ZNF844: variants seen among roughly 807,000 people sequenced by gnomAD.
The protein encoded by ZNF844 is zinc finger protein 844.
In ZNF844, 11 loss-of-function variants were observed where a neutral mutation model predicts 11.4. The ratio of observed to expected loss-of-function variants is 0.97; its 90% confidence interval spans 0.61 to 1.60. The LOEUF is 1.60. ZNF844 is among the 40% of genes most tolerant of loss of function. The pLI is 0.00. For missense variants in ZNF844, 790 were observed against 796.8 expected, an observed-to-expected ratio of 0.99 and a Z score of 0.10; for synonymous variants, 248 against 260.3, an observed-to-expected ratio of 0.95 and a Z score of 0.46.
chr19:12,067,585 C>T (rs1306704439), intron 1 of ZNF844, among the ~76,000 whole-genome samples: 1 of 106,428 alleles, frequency 9.4e-6, no homozygotes, highest in Non-Finnish European at 1.8e-5. Flanking sequence ...ATAGCTTGGG[C>T]AACAAGAGTG....
At position 12,077,294 on chromosome 19, in the gene ZNF844, C is replaced by T; in HGVS notation, c.*173C>T. ...AAAGGACTCACACTGGAGAGAAACC[C>T]TATGAGTGTAAGCAATGTGGAAAAG... is the stretch of plus-strand genomic sequence containing the variant. On this transcript the variant is annotated 3_prime_UTR_variant, in exon 4 of 4. Coordinates refer to ENST00000439326, the MANE Select transcript of ZNF844 (RefSeq NM_001136501.3). 8.3e-7 allele frequency: 1 copy of T among 1,200,764 alleles called. No homozygotes were observed. Among genetic ancestry groups the T allele is most frequent in the East Asian group, 2.3e-5 (1 of 42,822 alleles). The allele number at this position is 1,200,764 out of a possible 1,614,324, so 74.4% of individuals were successfully genotyped here.
chr19:12,075,660 C>T lies in ZNF844; in HGVS notation c.540C>T (p.Ser180=). 1 of 1,611,828 alleles carries T rather than the reference C, an allele frequency of 6.2e-7. No individual in the cohort carries two copies. ...AAGAATGTGGAAAAACCTTCATATCCCATTCAAGCATTCAAAGACACATGA... is the reference window on the plus strand; with the variant it reads ...AAGAATGTGGAAAAACCTTCATATCTCATTCAAGCATTCAAAGACACATGA... ...DCKECGKTFI[S]HSSIQRHMIM... The change falls in exon 4 of 4, where the codon TCC becomes TCT. Residue 180 remains serine (S), a synonymous_variant. Transcript: ENST00000439326.
rs1254312000 is a variant in ZNF844, at chr19:12,076,527, C to G, written c.1407C>G (p.Leu469=). ...ACACCTTCAAATGCATGGAAGGACTCACACTCAAGAGAAACCCTATGAATG... is the reference window on the plus strand; with the variant it reads ...ACACCTTCAAATGCATGGAAGGACTGACACTCAAGAGAAACCCTATGAATG... ...LPHTFKCMEG[L]TLKRNPMNVS... The change falls in exon 4 of 4, where the codon CTC becomes CTG. Residue 469 remains leucine (L), a synonymous_variant. Coordinates refer to ENST00000439326, the MANE Select transcript of ZNF844 (RefSeq NM_001136501.3). 11 of 1,609,606 alleles carry G rather than the reference C, an allele frequency of 6.8e-6. No homozygotes were observed. Among genetic ancestry groups the G allele is most frequent in the Non-Finnish European group, 9.3e-6 (11 of 1,178,166 alleles).
chr19:12,080,121 G>A lies in ZNF844; in HGVS notation c.*3000G>A, dbSNP rs757681728. On this transcript the variant is annotated 3_prime_UTR_variant, in exon 4 of 4. Transcript: ENST00000439326. ...CCCAGCACTTTGGGAGGCTGAGGTG[G>A]GCGGATCACGAGGTCAGGAGATCAA... 113 of 165,366 alleles carry A rather than the reference G, an allele frequency of 6.8e-4. No homozygotes were observed. Among genetic ancestry groups the A allele is most frequent in the Non-Finnish European group, 1.3e-3 (98 of 76,554 alleles). The allele number at this position is 165,366 out of a possible 1,614,324, so 10.2% of individuals were successfully genotyped here. A position where few individuals can be genotyped will look rare whatever the true frequency, so the allele number is the denominator to read the frequency against.
intron 1 of ZNF844, among the ~76,000 whole-genome samples, chr19:12,072,151 G>A (rs148691328): frequency 1.3e-5 from 2 of 152,258 alleles, no homozygotes; most frequent in African/African-American, 4.8e-5. Flanking sequence ...CTCCCAAAGT[G>A]CTGGGATTAC....
chr19:12,075,214 T>G, intron 3 of ZNF844, 98 bp from the exon 4 acceptor site: 1 of 873,002 alleles, frequency 1.1e-6, no homozygotes, highest in African/African-American at 1.8e-5. Flanking sequence ...AATAATAAAA[T>G]AAAATAAAAT....
intron 1 of ZNF844, among the ~76,000 whole-genome samples, 163 bp downstream of exon 1, chr19:12,065,039 G>A (rs1203756196): frequency 6.6e-6 from 1 of 151,818 alleles, no homozygotes; most frequent in Non-Finnish European, 1.5e-5. Context: ...CGGTCCATTC[G>A]GCCGCCGGGT....
chr19:12,064,934 G>T lies in ZNF844; in HGVS notation c.3+58G>T, dbSNP rs528175076. The T allele has an allele frequency of 1.5e-5, 23 of 1,543,214 alleles. No individual in the cohort carries two copies. The African/African-American group carries it at 3.0e-4, about 20-fold the overall frequency. ...CTTGGGGGAGGGTAGGCGGAGGCTGGTTGGAACTGGCTGGAACCGGCTGTG... is the reference window on the plus strand; with the variant it reads ...CTTGGGGGAGGGTAGGCGGAGGCTGTTTGGAACTGGCTGGAACCGGCTGTG... On this transcript the variant is annotated intron_variant, in intron 1 of 3. Transcript: ENST00000439326.
In ZNF844 at chr19:12,080,926, T is replaced by C. The variant is rs1975890723; in HGVS notation, c.*3805T>C. 6.6e-6 allele frequency: 1 copy of C among 152,168 alleles called. No individual in the cohort carries two copies. The highest frequency in any genetic ancestry group is 6.6e-5 in the Admixed American group (1 of 15,264). 9.4% of individuals were successfully genotyped at this position (152,168 alleles called of 1,614,324 possible). A position where few individuals can be genotyped will look rare whatever the true frequency, so the allele number is the denominator to read the frequency against. ...ACACCACCACGCATGGCTAAATTTT[T>C]GTATTTTTAGTAGAGATGGGGTTTC... On this transcript the variant is annotated 3_prime_UTR_variant, in exon 4 of 4. Coordinates refer to ENST00000439326, the MANE Select transcript of ZNF844 (RefSeq NM_001136501.3).
chr19:12,072,517 A>C (rs1038602466), intron 1 of ZNF844, among the ~76,000 whole-genome samples: 9 of 152,200 alleles, frequency 5.9e-5, no homozygotes, highest in African/African-American at 1.9e-4. Flanking sequence ...TGGTCAGAGC[A>C]CATGGGTTCC....
chr19:12,073,602 A>G (rs1975775432), intron 1 of ZNF844, among the ~76,000 whole-genome samples: 1 of 152,014 alleles, frequency 6.6e-6, no homozygotes, highest in Non-Finnish European at 1.5e-5. Flanking sequence ...TCAGAATAAA[A>G]TCCCCCTTCC....
rs1319893294 is a variant in ZNF844 at position 12,079,806 on chromosome 19, C to CATG, written c.*2686_*2688dup. 6.6e-6 allele frequency: 1 copy of CATG among 152,198 alleles called. No individual in the cohort carries two copies. The allele number at this position is 152,198 out of a possible 1,614,324, so 9.4% of individuals were successfully genotyped here. A position where few individuals can be genotyped will look rare whatever the true frequency, so the allele number is the denominator to read the frequency against. Reference sequence around the variant, plus strand: ...CTAAAAATACAAAAAATTAGATGGGCATGGTGGCACATGCCTGTAATCCCA... The same window carrying CATG: ...CTAAAAATACAAAAAATTAGATGGGCATGATGGTGGCACATGCCTGTAATCCCA... On this transcript the variant is annotated 3_prime_UTR_variant, in exon 4 of 4. Coordinates refer to ENST00000439326, the MANE Select transcript of ZNF844 (RefSeq NM_001136501.3).
rs755892210 is a variant in ZNF844 at position 12,072,367 on chromosome 19, G to T, written c.4-1664G>T. Among the ~76,000 whole-genome samples the T allele has an allele frequency of 1.8e-4, 27 of 152,154 alleles. No individual in the cohort carries two copies. The Middle Eastern group carries it at 0.017, about 96-fold the overall frequency. On this transcript the variant is annotated intron_variant, in intron 1 of 3. Transcript: ENST00000439326. ...AGTGGTTTTCAAATATTTCTTCAAAGATCCAACTTTCAATTTATATGAATT... is the reference window on the plus strand; with the variant it reads ...AGTGGTTTTCAAATATTTCTTCAAATATCCAACTTTCAATTTATATGAATT...
intron 1 of ZNF844, among the ~76,000 whole-genome samples, chr19:12,071,501 A>C (rs1392972421): frequency 6.6e-6 from 1 of 152,224 alleles, no homozygotes; most frequent in South Asian, 2.1e-4. Context: ...TAAATGGGAA[A>C]TGGGTTAAAA....
Position 12,077,272 on chromosome 19 carries a change from G to A in ZNF844, c.*151G>A. 3 of 1,366,126 alleles carry A rather than the reference G, an allele frequency of 2.2e-6. 1 individual carries two copies. Among genetic ancestry groups the A allele is most frequent in the South Asian group, 2.3e-5 (2 of 85,408 alleles). The allele number at this position is 1,366,126 out of a possible 1,614,324, so 84.6% of individuals were successfully genotyped here. A position where few individuals can be genotyped will look rare whatever the true frequency, so the allele number is the denominator to read the frequency against. ...TCCACTGCCATTCGTAGACATGAAA[G>A]GACTCACACTGGAGAGAAACCCTAT... On this transcript the variant is annotated 3_prime_UTR_variant, in exon 4 of 4. Coordinates refer to ENST00000439326, the MANE Select transcript of ZNF844 (RefSeq NM_001136501.3).
chr19:12,080,346 C>CAAAAAAAAAAAAAAAA lies in ZNF844; in HGVS notation c.*3230_*3245dup, dbSNP rs61413798. Reference sequence around the variant, plus strand: ...GCGGCGACAGAGCAAGACTCCGTCTCAAAAAAAAAAAAAAAAAAAAGAGAA... The same window carrying CAAAAAAAAAAAAAAAA: ...GCGGCGACAGAGCAAGACTCCGTCTCAAAAAAAAAAAAAAAAAAAAAAAAAAAAAAAAAAAAGAGAA... On this transcript the variant is annotated 3_prime_UTR_variant, in exon 4 of 4. Transcript: ENST00000439326. The CAAAAAAAAAAAAAAAA allele has an allele frequency of 6.5e-6, 1 of 154,744 alleles. No individual in the cohort carries two copies. The highest frequency in any genetic ancestry group is 4.4e-5 in the African/African-American group (1 of 22,790). The allele number at this position is 154,744 out of a possible 1,614,324, so 9.6% of individuals were successfully genotyped here. A position where few individuals can be genotyped will look rare whatever the true frequency, so the allele number is the denominator to read the frequency against.
Position 12,081,210 on chromosome 19 carries a change from CCTTAT to C in ZNF844, c.*4093_*4097del, listed in dbSNP as rs1975893468. The C allele has an allele frequency of 6.6e-6, 1 of 151,280 alleles. No individual in the cohort carries two copies. Among genetic ancestry groups the C allele is most frequent in the African/African-American group, 2.5e-5 (1 of 40,660 alleles). The allele number at this position is 151,280 out of a possible 1,614,324, so 9.4% of individuals were successfully genotyped here. Reference sequence around the variant, plus strand: ...CACCTTTGTTCCTGCTGTTACTGACCCTTATCTTGTAGCCTCACAGCTACTATGCT... The same window carrying C: ...CACCTTTGTTCCTGCTGTTACTGACCCTTGTAGCCTCACAGCTACTATGCT... On this transcript the variant is annotated 3_prime_UTR_variant, in exon 4 of 4. Coordinates refer to ENST00000439326, the MANE Select transcript of ZNF844 (RefSeq NM_001136501.3).
In ZNF844 at chr19:12,076,915, A is replaced by AG; in HGVS notation, c.1796dup (p.Ser600IlefsTer44). The AG allele has an allele frequency of 6.3e-7, 1 of 1,591,550 alleles. No homozygotes were observed. Among genetic ancestry groups the AG allele is most frequent in the South Asian group, 1.1e-5 (1 of 88,090 alleles). On this transcript the variant is annotated frameshift_variant, in exon 4 of 4. Transcript: ENST00000439326. LOFTEE classifies it low-confidence loss of function (END_TRUNC). ...TGTGACAAAGCATTCATATCTGCCAAGATCCTTCGAGTACATGCAAGAACA... is the reference window on the plus strand; with the variant it reads ...TGTGACAAAGCATTCATATCTGCCAAGGATCCTTCGAGTACATGCAAGAACA...
chr19:12,077,859 C>T lies in ZNF844; in HGVS notation c.*738C>T, dbSNP rs982294606. ...TTTTTTTCTTTTTGAGACAGAGTCT[C>T]GCTCTGTCACCCAGGCTGGAGTGCA... On this transcript the variant is annotated 3_prime_UTR_variant, in exon 4 of 4. Transcript: ENST00000439326. 10 of 278,942 alleles carry T rather than the reference C, an allele frequency of 3.6e-5. No homozygotes were observed. Among genetic ancestry groups the T allele is most frequent in the Admixed American group, 1.9e-4 (4 of 21,326 alleles). 17.3% of individuals were successfully genotyped at this position (278,942 alleles called of 1,614,324 possible). A position where few individuals can be genotyped will look rare whatever the true frequency, so the allele number is the denominator to read the frequency against.
Sources: gnomAD v4.1 joint callset for allele counts (sites outside exome capture counted in the v4.1 genomes callset) on GRCh38, gnomAD v4.1.1 for gene constraint, MANE v1.5 for transcripts, NCBI Gene and HGNC (gene_info 2026-07-23, HGNC 2026-07-21) for gene names.